Variants in KIAA1217 observed in about 807,000 individuals in gnomAD.
The protein encoded by KIAA1217 is sickle tail protein homolog.
A neutral mutation model predicts 163.9 loss-of-function variants in KIAA1217; 88 were observed. The ratio of observed to expected loss-of-function variants is 0.54; its 90% CI spans 0.45 to 0.64. The LOEUF (loss-of-function observed/expected upper bound fraction) is 0.64. KIAA1217 is among the 30% of genes least tolerant of loss of function. KIAA1217 has a pLI of 0.00. For synonymous variants in KIAA1217, 903 were observed against 923.1 expected (o/e 0.98, Z 0.39); for missense variants, 2,372 against 2,475.0 (o/e 0.96, Z 0.88).
intron 9 of KIAA1217, among the ~76,000 whole-genome samples, chr10:24,502,194 A>G (rs1448015139): frequency 6.9e-6 from 1 of 145,120 alleles, no homozygotes; most frequent in Non-Finnish European, 1.5e-5. Flanking sequence ...TGGAGGCTCC[A>G]TCCTCCTCCA....
At chr10:24,495,391 G>A (rs536983342) in intron 8 of KIAA1217, among the ~76,000 whole-genome samples, 195 bp downstream of exon 8, 11 of 152,220 alleles carry the variant, frequency 7.2e-5, no homozygotes, top group African/African-American at 2.6e-4. Context: ...TTCTCCCTTC[G>A]GTTTTCATTC....
At chr10:24,318,001 G>C (rs897325881) in intron 2 of KIAA1217, among the ~76,000 whole-genome samples, 2 of 152,154 alleles carry the variant, frequency 1.3e-5, no homozygotes, top group African/African-American at 4.8e-5. Context: ...TTTTAGATGA[G>C]ATTAACATTT....
intron 2 of KIAA1217, among the ~76,000 whole-genome samples, chr10:24,346,359 C>CTA (rs369353931): frequency 1.3e-5 from 2 of 151,914 alleles, no homozygotes; most frequent in African/African-American, 4.8e-5. Flanking sequence ...GCAGTCCCAG[C>CTA]TACTTGGGAG....
intron 1 of KIAA1217, among the ~76,000 whole-genome samples, chr10:23,810,556 A>G (rs1341439234): frequency 7.4e-6 from 1 of 134,684 alleles, no homozygotes; most frequent in Non-Finnish European, 1.5e-5. Context: ...ATCTATATAT[A>G]GTATATATAG....
intron 8 of KIAA1217, among the ~76,000 whole-genome samples, chr10:24,501,087 T>TA (rs1554908827): frequency 0.041 from 2,815 of 68,466 alleles, 66 homozygotes; most frequent in African/African-American, 0.13. Context: ...AAAATTAAAA[T>TA]AAAAAAAAAA....
intron 1 of KIAA1217, among the ~76,000 whole-genome samples, chr10:23,989,643 T>G (rs1165340438): frequency 2.6e-5 from 4 of 152,218 alleles, no homozygotes; most frequent in Non-Finnish European, 5.9e-5. Context: ...CAAGGTGCCA[T>G]ATTTTGGGGT....
chr10:24,396,176 A>C (rs1301189682), intron 3 of KIAA1217, among the ~76,000 whole-genome samples: 1 of 152,060 alleles, frequency 6.6e-6, no homozygotes, highest in Non-Finnish European at 1.5e-5. Context: ...CTCTCTACTA[A>C]AAATACAAAA....
At chr10:24,079,703 C>G (rs1466371294) in intron 2 of KIAA1217, among the ~76,000 whole-genome samples, 1 of 152,036 alleles carries the variant, frequency 6.6e-6, no homozygotes, top group Non-Finnish European at 1.5e-5. Context: ...GGAGGGCCAC[C>G]CCTGATGATG....
intron 3 of KIAA1217, among the ~76,000 whole-genome samples, chr10:24,402,545 C>T (rs1394815011): frequency 5.7e-4 from 73 of 128,556 alleles, no homozygotes; most frequent in Middle Eastern, 4.4e-3. Flanking sequence ...AAAAAAAAGG[C>T]AAAGGAGTTT....
intron 2 of KIAA1217, among the ~76,000 whole-genome samples, chr10:24,064,483 A>G (rs1240718913): frequency 2.0e-5 from 3 of 152,110 alleles, no homozygotes; most frequent in East Asian, 1.9e-4. Context: ...GCATCCCAGG[A>G]ATGAAGCCCA....
chr10:24,022,926 GA>G (rs5783873), intron 2 of KIAA1217, among the ~76,000 whole-genome samples: 38,541 of 141,338 alleles, frequency 0.27, 5,028 homozygotes, highest in Non-Finnish European at 0.29. Flanking sequence ...TACTTGATCT[GA>G]AAAAAAAAAA....
intron 2 of KIAA1217, among the ~76,000 whole-genome samples, chr10:24,356,800 C>A (rs537097069): frequency 6.6e-6 from 1 of 152,176 alleles, no homozygotes; most frequent in Non-Finnish European, 1.5e-5. Flanking sequence ...CTTCCAGCAT[C>A]CAGAACCATG....
chr10:24,458,508 C>G (rs1392632442), intron 5 of KIAA1217, among the ~76,000 whole-genome samples: 1 of 152,154 alleles, frequency 6.6e-6, no homozygotes. Flanking sequence ...AACCACTGCC[C>G]TCCTTTGAAG....
chr10:24,537,061 A>G (rs1055962786), intron 17 of KIAA1217, among the ~76,000 whole-genome samples, 168 bp downstream of exon 17: 1 of 152,070 alleles, frequency 6.6e-6, no homozygotes, highest in Non-Finnish European at 1.5e-5. Flanking sequence ...TATCTTGCTC[A>G]GGTTTTCAGA....
intron 14 of KIAA1217, 147 bp from the exon 15 acceptor site, chr10:24,531,683 C>T (rs1013351661): frequency 6.0e-6 from 4 of 668,752 alleles, no homozygotes; most frequent in Admixed American, 7.3e-5. Flanking sequence ...TCCAGTCACT[C>T]TTTAGGGTCT....
In KIAA1217 at chr10:24,380,957, T is replaced by C; in HGVS notation, c.443T>C (p.Leu148Ser). 1.2e-6 allele frequency: 2 copies of C among 1,609,208 alleles called. No individual in the cohort carries two copies. The highest frequency in any genetic ancestry group is 1.7e-4 in the Middle Eastern group (1 of 6,042). The change falls in exon 3 of 21, where the codon TTG (leucine) becomes TCG (serine). Residue 148 changes from leucine (L) to serine (S), a missense_variant. Leu to Ser is a moderately radical substitution (Grantham distance 145, BLOSUM62 -2). Around this residue, in one of 3 missense-constraint regions of KIAA1217, gnomAD observed 1,431 missense variants for 1,470.3 expected, o/e 0.97. Transcript: ENST00000376454. ...TTATCAGAGACGTCCGCTGATTCTT[T>C]GGAAGCCATGTCTGAGGGGGATGCT... ...EHLSETSADS[L>S]EAMSEGDAPT... is the part of the protein sequence containing the mutation.
intron 1 of KIAA1217, among the ~76,000 whole-genome samples, chr10:23,956,386 T>C (rs969163011): frequency 1.6e-4 from 24 of 152,118 alleles, no homozygotes; most frequent in African/African-American, 5.8e-4. Flanking sequence ...TGGTGACTTA[T>C]AGGAACATTA....
intron 2 of KIAA1217, among the ~76,000 whole-genome samples, chr10:24,360,870 T>G (rs2049885860): frequency 6.6e-6 from 1 of 150,742 alleles, no homozygotes; most frequent in Non-Finnish European, 1.5e-5. Flanking sequence ...TGTTTCAAAT[T>G]TATCAGTAGT....
At chr10:23,709,782 A>AG (rs1363320691) in intron 1 of KIAA1217, among the ~76,000 whole-genome samples, 8 of 152,204 alleles carry the variant, frequency 5.3e-5, no homozygotes, top group South Asian at 2.1e-4. Context: ...TAACTCGGAG[A>AG]TACAAAGCCT....
Sources: gnomAD v4.1 joint callset for allele counts (sites outside exome capture counted in the v4.1 genomes callset) on GRCh38, gnomAD v4.1.1 for gene constraint, gnomAD v4.1.1 regional missense constraint, MANE v1.5 for transcripts, NCBI Gene and HGNC (gene_info 2026-07-23, HGNC 2026-07-21) for gene names.